The following ARHGAP32 variants were observed in gnomAD, a reference collection of about 807,000 sequenced individuals.
ARHGAP32 encodes Rho GTPase activating protein 32.
In ARHGAP32, 51 loss-of-function variants were observed where a neutral mutation model predicts 186.5. That is an observed-to-expected ratio of 0.27 (90% CI 0.22 to 0.35). The LOEUF (loss-of-function observed/expected upper bound fraction) is 0.35, where lower values mean the gene tolerates loss of function less well. ARHGAP32 is among the 10% of genes least tolerant of loss of function. The pLI, the probability that ARHGAP32 is intolerant of heterozygous loss-of-function variation, is 1.00. For synonymous variants in ARHGAP32, 950 were observed against 964.3 expected (o/e 0.99, Z 0.27); for missense variants, 2,186 against 2,623.5 (o/e 0.83, Z 3.64).
At chr11:129,245,138 A>T (rs1184874237) in intron 1 of ARHGAP32, among the ~76,000 whole-genome samples, 38 of 145,990 alleles carry the variant, frequency 2.6e-4, no homozygotes, top group Admixed American at 2.3e-3. Context: ...TGCTATAAAG[A>T]CACATGCACA....
Position 129,149,544 on chromosome 11 carries a change from C to A in ARHGAP32, c.225+14775G>T, listed in dbSNP as rs190148980. ...AGACCCAGAAGAGAAATAAGATTCACTGCAGTCCAGCTCTTAGGAAGCCCC... is the reference window on the plus strand; with the variant it reads ...AGACCCAGAAGAGAAATAAGATTCAATGCAGTCCAGCTCTTAGGAAGCCCC... On this transcript the variant is annotated intron_variant, in intron 2 of 22. Transcript: ENST00000682385. Among the ~76,000 whole-genome samples, 17 of 152,306 alleles carry A rather than the reference C, an allele frequency of 1.1e-4. No individual in the cohort carries two copies. The East Asian group carries it at 3.3e-3, about 29-fold the overall frequency.
chr11:129,259,395 T>C (rs1210310816), intron 1 of ARHGAP32, among the ~76,000 whole-genome samples: 3 of 152,142 alleles, frequency 2.0e-5, no homozygotes, highest in African/African-American at 7.2e-5. Flanking sequence ...TACTGAGAGA[T>C]GTTACTAGTT....
chr11:129,186,836 TG>T (rs1019177714), intron 1 of ARHGAP32, among the ~76,000 whole-genome samples: 5 of 152,116 alleles, frequency 3.3e-5, no homozygotes, highest in Admixed American at 6.6e-5. Context: ...CCAGTTAAAA[TG>T]GCTTATATCC....
At chr11:129,032,471 C>T (rs536371783) in intron 11 of ARHGAP32, among the ~76,000 whole-genome samples, 371 of 152,322 alleles carry the variant, frequency 2.4e-3, no homozygotes, top group Middle Eastern at 6.8e-3. Context: ...TCCCATTCCC[C>T]TTTGCAGTTA....
intron 1 of ARHGAP32, among the ~76,000 whole-genome samples, chr11:129,251,769 C>CA (rs36087262): frequency 9.8e-4 from 137 of 140,154 alleles, no homozygotes; most frequent in South Asian, 5.8e-3. Flanking sequence ...ATTAAAAATA[C>CA]AAAAAAAAAA....
intron 11 of ARHGAP32, among the ~76,000 whole-genome samples, chr11:129,036,380 CAAAAAAAAAAAAAAA>C (rs58678377): frequency 3.1e-4 from 31 of 98,656 alleles, no homozygotes; most frequent in Admixed American, 5.2e-4. Context: ...AACTCCGTCT[CAAAAAAAAAAAAAAA>C]AAAAAAAAAA....
chr11:128,988,272 AATG>A (rs1424462311), intron 12 of ARHGAP32, 147 bp from the exon 13 acceptor site: 1 of 592,146 alleles, frequency 1.7e-6, no homozygotes, highest in African/African-American at 1.9e-5. Context: ...CACTACAAAA[AATG>A]ATGAGGGTAT....
At chr11:128,990,199 T>C (rs1946007652) in intron 12 of ARHGAP32, among the ~76,000 whole-genome samples, 1 of 152,198 alleles carries the variant, frequency 6.6e-6, no homozygotes, top group African/African-American at 2.4e-5. Context: ...CCAGGTAAAC[T>C]ATCACTCTTT....
At position 129,188,105 on chromosome 11, in the gene ARHGAP32, G is replaced by A. The variant is rs543329765; in HGVS notation, c.116+3978C>T. On this transcript the variant is annotated intron_variant, in intron 1 of 22. Coordinates refer to ENST00000682385, the MANE Select transcript of ARHGAP32 (RefSeq NM_001378024.1). The stretch of plus-strand genomic sequence containing the variant: ...CAAATAGCTGGGATTACAGGAACCC[G>A]CCACCACACCCAGCTAATTTTTGTA... 9.2e-4 allele frequency among the ~76,000 whole-genome samples: 140 copies of A among 152,070 alleles called. 2 individuals are homozygous for A. In the South Asian group the frequency reaches 0.028, roughly 30 times the overall value.
At chr11:129,153,511 AGTATG>A (rs1943335979) in intron 2 of ARHGAP32, among the ~76,000 whole-genome samples, 1 of 152,216 alleles carries the variant, frequency 6.6e-6, no homozygotes, top group South Asian at 2.1e-4. Flanking sequence ...TTACAGAAAC[AGTATG>A]GTACTGGTAT....
chr11:129,017,335 T>C (rs1378291859), intron 11 of ARHGAP32, among the ~76,000 whole-genome samples: 3 of 151,476 alleles, frequency 2.0e-5, no homozygotes, highest in Non-Finnish European at 1.5e-5. Context: ...GCACCTGTAA[T>C]CGCAGCTACT....
chr11:129,215,326 C>T (rs138516242), intron 1 of ARHGAP32, among the ~76,000 whole-genome samples: 73 of 152,278 alleles, frequency 4.8e-4, no homozygotes, highest in Non-Finnish European at 7.8e-4. Context: ...CATGTATGTG[C>T]TAGAACACAT....
intron 1 of ARHGAP32, among the ~76,000 whole-genome samples, chr11:129,257,741 A>C (rs1307582230): frequency 6.6e-6 from 1 of 151,604 alleles, no homozygotes; most frequent in East Asian, 1.9e-4. Flanking sequence ...TTAAATCCTA[A>C]ACAGAGTACT....
rs1396294300 is a variant in ARHGAP32, at chr11:129,060,805, TG to T, written c.963+1474del. On this transcript the variant is annotated intron_variant, in intron 10 of 22. Transcript: ENST00000682385. ...TTTAAATTTAAAAATCAACACTTAT[TG>T]ATTAAAAAAAAATTATACATCAGAC... 6.8e-3 allele frequency among the ~76,000 whole-genome samples: 929 copies of T among 136,176 alleles called. 6 individuals are homozygous for T. The highest frequency in any genetic ancestry group is 0.024 in the South Asian group (105 of 4,456). 89.3% of individuals were successfully genotyped at this position (136,176 alleles called of 152,430 possible).
Position 129,160,235 on chromosome 11 carries a change from C to A in ARHGAP32, c.225+4084G>T, listed in dbSNP as rs149058611. ...CTCACCACTCCTATTCAACATAGTACTAGATGTTCTGGCCAGGGAAATCAG... is the reference window on the plus strand; with the variant it reads ...CTCACCACTCCTATTCAACATAGTAATAGATGTTCTGGCCAGGGAAATCAG... On this transcript the variant is annotated intron_variant, in intron 2 of 22. Coordinates refer to ENST00000682385, the MANE Select transcript of ARHGAP32 (RefSeq NM_001378024.1). Among the ~76,000 whole-genome samples, 971 of 152,002 alleles carry A rather than the reference C, an allele frequency of 6.4e-3. 10 individuals carry two copies. Among genetic ancestry groups the A allele is most frequent in the African/African-American group, 0.022 (927 of 41,518 alleles).
chr11:129,185,255 C>T (rs12808121), intron 1 of ARHGAP32, among the ~76,000 whole-genome samples: 4,795 of 152,176 alleles, frequency 0.032, 116 homozygotes, highest in South Asian at 0.083. Flanking sequence ...ATATACACCA[C>T]GGAATACTAT....
intron 1 of ARHGAP32, among the ~76,000 whole-genome samples, chr11:129,273,962 T>C (rs954987534): frequency 1.1e-4 from 16 of 151,576 alleles, no homozygotes; most frequent in Non-Finnish European, 2.2e-4. Context: ...TCCAATATTA[T>C]GTATATTATA....
intron 5 of ARHGAP32, among the ~76,000 whole-genome samples, chr11:129,104,158 C>T (rs1941983676): frequency 6.6e-6 from 1 of 151,748 alleles, no homozygotes; most frequent in Non-Finnish European, 1.5e-5. Flanking sequence ...ACCAACAAAA[C>T]CTCACCAAAA....
intron 2 of ARHGAP32, among the ~76,000 whole-genome samples, chr11:129,159,412 ATACTG>A (rs1943482036): frequency 6.6e-6 from 1 of 152,168 alleles, no homozygotes; most frequent in Admixed American, 6.5e-5. Flanking sequence ...CAATCAGAGA[ATACTG>A]TAAACACCTC....
Sources: allele counts gnomAD v4.1 joint callset (sites outside exome capture counted in the v4.1 genomes callset), GRCh38; gene constraint gnomAD v4.1.1; transcripts MANE v1.5; gene names NCBI Gene and HGNC (gene_info 2026-07-23, HGNC 2026-07-21).